Variants in PDE7B observed in about 807,000 individuals in gnomAD.
PDE7B encodes 3',5'-cyclic-AMP phosphodiesterase 7B.
A neutral mutation model predicts 56.2 loss-of-function variants in PDE7B; 29 were observed. The ratio of observed to expected loss-of-function variants is 0.52; its 90% CI spans 0.38 to 0.70. The LOEUF is 0.70. Ranked by LOEUF, PDE7B falls within the 30% of genes least tolerant of loss-of-function variation. The pLI, the probability that PDE7B is intolerant of heterozygous loss-of-function variation, is 0.00. For missense variants in PDE7B, 490 were observed against 565.0 expected, an observed-to-expected ratio of 0.87 and a Z score of 1.35; for synonymous variants, 197 against 196.9, an observed-to-expected ratio of 1.00 and a Z score of 0.00.
chr6:135,890,542 C>T (rs533148825), intron 1 of PDE7B, among the ~76,000 whole-genome samples: 1 of 152,148 alleles, frequency 6.6e-6, no homozygotes, highest in South Asian at 2.1e-4. Context: ...TAACCCAGCA[C>T]GCAGTGGGTA....
intron 2 of PDE7B, among the ~76,000 whole-genome samples, chr6:136,103,357 C>G (rs1180006211): frequency 6.6e-6 from 1 of 152,206 alleles, no homozygotes; most frequent in Non-Finnish European, 1.5e-5. Context: ...TCCCATAAAT[C>G]TATGGAGTGA....
At chr6:136,101,484 T>C (rs1480264260) in intron 2 of PDE7B, among the ~76,000 whole-genome samples, 3 of 152,204 alleles carry the variant, frequency 2.0e-5, no homozygotes, top group Admixed American at 6.5e-5. Flanking sequence ...CTTCCTGCTT[T>C]AGTCTTGGGA....
At chr6:135,950,202 A>G (rs951814310) in intron 2 of PDE7B, among the ~76,000 whole-genome samples, 2 of 152,140 alleles carry the variant, frequency 1.3e-5, no homozygotes, top group African/African-American at 4.8e-5. Context: ...ATGAGCACGT[A>G]AGTCCCTAAA....
intron 2 of PDE7B, among the ~76,000 whole-genome samples, chr6:136,087,678 A>G (rs112202893): frequency 1.1e-3 from 162 of 152,340 alleles, no homozygotes; most frequent in Middle Eastern, 3.4e-3. Context: ...AAAGCTTTCT[A>G]ATTAAACAGC....
At chr6:135,880,604 T>C (rs552911910) in intron 1 of PDE7B, among the ~76,000 whole-genome samples, 28 of 152,192 alleles carry the variant, frequency 1.8e-4, no homozygotes, top group African/African-American at 6.7e-4. Context: ...ACCATGAATA[T>C]AAAGAAGTAA....
intron 1 of PDE7B, among the ~76,000 whole-genome samples, chr6:135,889,198 C>T (rs1775762627): frequency 6.6e-6 from 1 of 152,066 alleles, no homozygotes; most frequent in African/African-American, 2.4e-5. Flanking sequence ...TACCCCAGGC[C>T]TATGTTAGAG....
chr6:136,128,917 C>G (rs902663937), intron 3 of PDE7B, among the ~76,000 whole-genome samples: 17 of 152,188 alleles, frequency 1.1e-4, no homozygotes, highest in Non-Finnish European at 1.6e-4. Flanking sequence ...CCCATGACTT[C>G]CCTTCTGAGA....
chr6:135,866,039 G>A (rs920239094), intron 1 of PDE7B, among the ~76,000 whole-genome samples: 1 of 151,976 alleles, frequency 6.6e-6, no homozygotes, highest in African/African-American at 2.4e-5. Context: ...GAAACAAATT[G>A]TATCTTATTT....
chr6:135,975,904 A>G (rs1173067296), intron 2 of PDE7B, among the ~76,000 whole-genome samples: 1 of 152,186 alleles, frequency 6.6e-6, no homozygotes, highest in Non-Finnish European at 1.5e-5. Flanking sequence ...TGAGCTGGAG[A>G]GGATGTCTCC....
rs531395622 is a variant in PDE7B at position 135,957,456 on chromosome 6, A to G, written c.82+9932A>G. 1.2e-4 allele frequency among the ~76,000 whole-genome samples: 19 copies of G among 152,296 alleles called. No individual in the cohort carries two copies. The East Asian group carries it at 2.3e-3, about 19-fold the overall frequency. On this transcript the variant is annotated intron_variant, in intron 2 of 12. Transcript: ENST00000308191. ...TTCTTAACACTCATTTCAAAAGAGT[A>G]ACTGTCCCATGCTCATAAAGACCCT...
chr6:136,171,997 A>G (rs1424511414), intron 8 of PDE7B, among the ~76,000 whole-genome samples: 13 of 152,102 alleles, frequency 8.5e-5, no homozygotes, highest in South Asian at 2.1e-4. Flanking sequence ...ATAGTATTCC[A>G]TGGTGTATAT....
chr6:136,191,967 C>T lies in PDE7B; in HGVS notation c.*127C>T. ...GTTGTCCTGGGGCTCTTTGGAACGCCATCTTCCTCCCACTTACCTGCCTCC... is the reference window on the plus strand; with the variant it reads ...GTTGTCCTGGGGCTCTTTGGAACGCTATCTTCCTCCCACTTACCTGCCTCC... On this transcript the variant is annotated 3_prime_UTR_variant, in exon 13 of 13. Transcript: ENST00000308191. 1.4e-6 allele frequency: 1 copy of T among 694,848 alleles called. No individual in the cohort carries two copies. 43.0% of individuals were successfully genotyped at this position (694,848 alleles called of 1,614,324 possible). A position where few individuals can be genotyped will look rare whatever the true frequency, so the allele number is the denominator to read the frequency against.
intron 3 of PDE7B, among the ~76,000 whole-genome samples, chr6:136,116,626 G>A (rs1777835429): frequency 6.6e-6 from 1 of 152,222 alleles, no homozygotes; most frequent in African/African-American, 2.4e-5. Flanking sequence ...AGTCAGAAAA[G>A]TTAGAGGATG....
intron 2 of PDE7B, among the ~76,000 whole-genome samples, chr6:136,078,278 C>A (rs907471262): frequency 7.2e-5 from 11 of 152,166 alleles, no homozygotes; most frequent in Admixed American, 6.6e-5. Context: ...CTACACTCAT[C>A]TTTGGATAGG....
At chr6:136,096,125 G>C (rs765461262) in intron 2 of PDE7B, 1 of 152,240 alleles carries the variant, frequency 6.6e-6, no homozygotes, top group Non-Finnish European at 1.5e-5. Context: ...AATACTTCCT[G>C]GTGCTGAGTG....
chr6:135,852,232 G>A (rs1774955509), intron 1 of PDE7B, among the ~76,000 whole-genome samples: 1 of 151,998 alleles, frequency 6.6e-6, no homozygotes, highest in Non-Finnish European at 1.5e-5. Flanking sequence ...TTTAAGGGCA[G>A]CAGGGTTTCA....
intron 1 of PDE7B, among the ~76,000 whole-genome samples, chr6:135,909,489 C>G (rs1776173919): frequency 6.6e-6 from 1 of 151,904 alleles, no homozygotes; most frequent in Non-Finnish European, 1.5e-5. Flanking sequence ...GCCTATAATC[C>G]CAGCTTCTCC....
intron 3 of PDE7B, among the ~76,000 whole-genome samples, chr6:136,120,357 G>A (rs540066093): frequency 1.9e-4 from 29 of 152,266 alleles, no homozygotes; most frequent in African/African-American, 7.0e-4. Flanking sequence ...GGAAAAGTGA[G>A]GCTAGGGAAG....
At chr6:135,941,204 T>C (rs903792754) in intron 1 of PDE7B, among the ~76,000 whole-genome samples, 4 of 152,210 alleles carry the variant, frequency 2.6e-5, no homozygotes, top group Non-Finnish European at 5.9e-5. Context: ...AACTTCCCCA[T>C]AGACTGATCA....
Sources: gnomAD v4.1 joint callset for allele counts (sites outside exome capture counted in the v4.1 genomes callset) on GRCh38, gnomAD v4.1.1 for gene constraint, MANE v1.5 for transcripts, NCBI Gene and HGNC (gene_info 2026-07-23, HGNC 2026-07-21) for gene names.